EREG: variants seen among roughly 807,000 people sequenced by gnomAD.
The protein encoded by EREG is epiregulin.
A neutral mutation model predicts 22.4 loss-of-function variants in EREG; 23 were observed. The ratio of observed to expected loss-of-function variants is 1.03; its 90% CI spans 0.74 to 1.46. EREG has a LOEUF of 1.46. Among genes scored for constraint, EREG ranks in the 40% most tolerant of loss-of-function variants. EREG has a pLI of 0.00. For missense variants in EREG, 226 were observed against 205.9 expected, an observed-to-expected ratio of 1.10 and a Z score of -0.60; for synonymous variants, 100 against 75.4, an observed-to-expected ratio of 1.33 and a Z score of -1.69.
At position 74,365,260 on chromosome 4, in the gene EREG, C is replaced by A; in HGVS notation, c.-49C>A. On this transcript the variant is annotated 5_prime_UTR_variant, in exon 1 of 5. Coordinates refer to ENST00000244869, the MANE Select transcript of EREG (RefSeq NM_001432.3). ...CGTCTGCTCCCGCCCTGCCCGTGCACTCTCCGCAGCCGCCCTCCGCCAAGC... is the reference window on the plus strand; with the variant it reads ...CGTCTGCTCCCGCCCTGCCCGTGCAATCTCCGCAGCCGCCCTCCGCCAAGC... 1.3e-6 allele frequency: 2 copies of A among 1,506,976 alleles called. No individual in the cohort carries two copies. Among genetic ancestry groups the A allele is most frequent in the African/African-American group, 1.4e-5 (1 of 73,202 alleles). The allele number at this position is 1,506,976 out of a possible 1,614,324, so 93.4% of individuals were successfully genotyped here.
chr4:74,379,823 G>A (rs1560599152), intron 2 of EREG, among the ~76,000 whole-genome samples: 1 of 152,054 alleles, frequency 6.6e-6, no homozygotes, highest in Admixed American at 6.6e-5. Context: ...ACTTTACTGC[G>A]AAACATCCTC....
intron 2 of EREG, 70 bp downstream of exon 2, chr4:74,379,604 CTATAAG>C (rs1303125976): frequency 1.1e-6 from 1 of 906,520 alleles, no homozygotes; most frequent in Non-Finnish European, 1.8e-6. Flanking sequence ...AACTCAAAGA[CTATAAG>C]TATGTGATAA....
rs199564770 is a variant in EREG at position 74,370,609 on chromosome 4, TTG to T, written c.67+5251_67+5252del. Among the ~76,000 whole-genome samples the T allele has an allele frequency of 4.6e-4, 70 of 151,516 alleles. 2 individuals are homozygous for T. The highest frequency in any genetic ancestry group is 3.1e-3 in the South Asian group (15 of 4,786). On this transcript the variant is annotated intron_variant, in intron 1 of 4. Coordinates refer to ENST00000244869, the MANE Select transcript of EREG (RefSeq NM_001432.3). ...ATTATTCAGTATTAACTGAAGATAT[TTG>T]TGTGTGTGTGTGTGTGAGAGAGAGA...
intron 1 of EREG, among the ~76,000 whole-genome samples, chr4:74,378,693 T>C (rs1245408328): frequency 6.6e-6 from 1 of 152,208 alleles, no homozygotes; most frequent in African/African-American, 2.4e-5. Context: ...TAAACATCTG[T>C]GAAATTACAA....
Position 74,372,939 on chromosome 4 carries a change from T to C in EREG, c.68-6509T>C, listed in dbSNP as rs188629457. On this transcript the variant is annotated intron_variant, in intron 1 of 4. Transcript: ENST00000244869. ...TCTCCTGCCTCAGCCTCCCGAGTAG[T>C]TGGGACCACAGGCGCCCACCACCAC... Among the ~76,000 whole-genome samples, 595 of 149,510 alleles carry C rather than the reference T, an allele frequency of 4.0e-3. 2 individuals carry two copies. The highest frequency in any genetic ancestry group is 0.013 in the African/African-American group (516 of 40,640).
Position 74,384,775 on chromosome 4 carries a change from T to A in EREG, c.477T>A (p.Val159=), listed in dbSNP as rs775897941. Residue 159 remains valine (V), a synonymous_variant, in exon 5 of 5, where the codon GTT becomes GTA. Transcript: ENST00000244869. ...SKEPKKEYER[V]TSGDPELPQV is the part of the protein sequence containing the mutation. Reference sequence around the variant, plus strand: ...AACCAAAGAAGGAATATGAGAGAGTTACCTCAGGGGATCCAGAGTTGCCGC... The same window carrying A: ...AACCAAAGAAGGAATATGAGAGAGTAACCTCAGGGGATCCAGAGTTGCCGC... 2.5e-6 allele frequency: 4 copies of A among 1,613,004 alleles called. No individual in the cohort carries two copies. In the East Asian group the frequency reaches 8.9e-5, roughly 36 times the overall value.
intron 1 of EREG, among the ~76,000 whole-genome samples, chr4:74,370,952 T>C (rs1752279368): frequency 6.6e-6 from 1 of 152,210 alleles, no homozygotes; most frequent in African/African-American, 2.4e-5. Context: ...CAGTTGACAT[T>C]AGGGACTAAA....
chr4:74,381,010 A>G lies in EREG; in HGVS notation c.155-4A>G. On this transcript the variant is annotated splice_region_variant and splice_polypyrimidine_tract_variant and intron_variant, in intron 2 of 4. Transcript: ENST00000244869. ...ATATATTCAACTTTCCACTTCTTTT[A>G]CAGTTCAGACAGAAGACAATCCACG... 2.5e-6 allele frequency: 4 copies of G among 1,609,934 alleles called. No individual in the cohort carries two copies. Among genetic ancestry groups the G allele is most frequent in the Non-Finnish European group, 3.4e-6 (4 of 1,178,724 alleles).
At position 74,384,948 on chromosome 4, in the gene EREG, TTTTTG is replaced by T. The variant is rs1472001790; in HGVS notation, c.*145_*149del. On this transcript the variant is annotated 3_prime_UTR_variant, in exon 5 of 5. Transcript: ENST00000244869. Reference sequence around the variant, plus strand: ...TTAATGTACTTGAAAAATGTTTTTATTTTTGTTTTATTTTTGACAGACTATTTGCT... The same window carrying T: ...TTAATGTACTTGAAAAATGTTTTTATTTTTATTTTTGACAGACTATTTGCT... 3 of 503,086 alleles carry T rather than the reference TTTTTG, an allele frequency of 6.0e-6. No homozygotes were observed. The East Asian group carries it at 9.1e-5, about 15-fold the overall frequency. The allele number at this position is 503,086 out of a possible 1,614,324, so 31.2% of individuals were successfully genotyped here.
At chr4:74,378,891 A>G (rs1474213296) in intron 1 of EREG, among the ~76,000 whole-genome samples, 2 of 152,188 alleles carry the variant, frequency 1.3e-5, no homozygotes, top group South Asian at 2.1e-4. Context: ...GTTCCTCCTC[A>G]TATTAGACAA....
rs569976035 is a variant in EREG, at chr4:74,386,720, A to G, written c.*1912A>G. 54 of 152,374 alleles carry G rather than the reference A, an allele frequency of 3.5e-4. No individual in the cohort carries two copies. Among genetic ancestry groups the G allele is most frequent in the African/African-American group, 1.3e-3 (54 of 41,586 alleles). The allele number at this position is 152,374 out of a possible 1,614,324, so 9.4% of individuals were successfully genotyped here. On this transcript the variant is annotated 3_prime_UTR_variant, in exon 5 of 5. Transcript: ENST00000244869. ...GGTTAGTTCCACATCTGTGGATTCA[A>G]CCAACCAAGGACGGAAAATGCTTAA...
At position 74,387,346 on chromosome 4, in the gene EREG, T is replaced by G. The variant is rs1353489649; in HGVS notation, c.*2538T>G. On this transcript the variant is annotated 3_prime_UTR_variant, in exon 5 of 5. Coordinates refer to ENST00000244869, the MANE Select transcript of EREG (RefSeq NM_001432.3). ...GGCTGTTTCAAAAAAATCTATTGAC[T>G]TTTCAATAAATCAGCTGCAATCCAT... is the stretch of plus-strand genomic sequence containing the variant. 6.6e-6 allele frequency: 1 copy of G among 152,154 alleles called. No individual in the cohort carries two copies. The highest frequency in any genetic ancestry group is 2.4e-5 in the African/African-American group (1 of 41,430). The allele number at this position is 152,154 out of a possible 1,614,324, so 9.4% of individuals were successfully genotyped here.
intron 1 of EREG, among the ~76,000 whole-genome samples, chr4:74,371,167 C>T (rs545769340): frequency 6.6e-6 from 1 of 152,106 alleles, no homozygotes; most frequent in African/African-American, 2.4e-5. Flanking sequence ...CAATTTTGCT[C>T]CTGGTTTAGA....
intron 1 of EREG, among the ~76,000 whole-genome samples, chr4:74,376,630 G>A (rs1383154528): frequency 2.6e-5 from 4 of 152,150 alleles, no homozygotes; most frequent in African/African-American, 9.7e-5. Context: ...TATATTTTTT[G>A]TAGTTCCACA....
At position 74,388,432 on chromosome 4, in the gene EREG, C is replaced by A. The variant is rs990664909; in HGVS notation, c.*3624C>A. 4 of 152,312 alleles carry A rather than the reference C, an allele frequency of 2.6e-5. No homozygotes were observed. Among genetic ancestry groups the A allele is most frequent in the African/African-American group, 9.7e-5 (4 of 41,344 alleles). 9.4% of individuals were successfully genotyped at this position (152,312 alleles called of 1,614,324 possible). Reference sequence around the variant, plus strand: ...TGTTAAATGTAATATAATGTATTTTCTTTTTATTTTGCACTCTGTAATTGC... The same window carrying A: ...TGTTAAATGTAATATAATGTATTTTATTTTTATTTTGCACTCTGTAATTGC... On this transcript the variant is annotated 3_prime_UTR_variant, in exon 5 of 5. Coordinates refer to ENST00000244869, the MANE Select transcript of EREG (RefSeq NM_001432.3).
chr4:74,372,279 C>G (rs1034881514), intron 1 of EREG, among the ~76,000 whole-genome samples: 2 of 152,202 alleles, frequency 1.3e-5, no homozygotes, highest in African/African-American at 4.8e-5. Context: ...TATGTGGGTT[C>G]TCTGAATAAA....
chr4:74,380,850 G>A (rs1752460915), intron 2 of EREG, among the ~76,000 whole-genome samples, 164 bp from the exon 3 acceptor site: 1 of 152,146 alleles, frequency 6.6e-6, no homozygotes, highest in Non-Finnish European at 1.5e-5. Context: ...GATTGGTCTA[G>A]GGGGTGTGAC....
Position 74,384,794 on chromosome 4 carries a change from T to G in EREG, c.496T>G (p.Leu166Val). The change falls in exon 5 of 5, where the codon TTG becomes GTG. Residue 166 changes from leucine to valine, a missense_variant. Coordinates refer to ENST00000244869, the MANE Select transcript of EREG (RefSeq NM_001432.3). ...YERVTSGDPE[L>V]PQV ...GAGAGTTACCTCAGGGGATCCAGAGTTGCCGCAAGTCTGAATGGCGCCATC... is the reference window on the plus strand; with the variant it reads ...GAGAGTTACCTCAGGGGATCCAGAGGTGCCGCAAGTCTGAATGGCGCCATC... 2 of 1,611,974 alleles carry G rather than the reference T, an allele frequency of 1.2e-6. No homozygotes were observed. Among genetic ancestry groups the G allele is most frequent in the Non-Finnish European group, 1.7e-6 (2 of 1,178,324 alleles).
intron 4 of EREG, among the ~76,000 whole-genome samples, chr4:74,383,085 A>G (rs1366991399): frequency 6.6e-6 from 1 of 152,240 alleles, no homozygotes; most frequent in Non-Finnish European, 1.5e-5. Flanking sequence ...TTTTTGCTGC[A>G]GAACATCTGG....
Sources: allele counts gnomAD v4.1 joint callset (sites outside exome capture counted in the v4.1 genomes callset), GRCh38; gene constraint gnomAD v4.1.1; transcripts MANE v1.5; gene names NCBI Gene and HGNC (gene_info 2026-07-23, HGNC 2026-07-21).